SPAG16: variants seen among roughly 807,000 people sequenced by gnomAD.
The protein encoded by SPAG16 is sperm associated antigen 16, also known as sperm-associated antigen 16 protein.
SPAG16 carries 86 observed loss-of-function variants against 80.4 expected under a neutral mutation model. That is an observed-to-expected ratio of 1.07 (90% CI 0.90 to 1.28). The LOEUF (loss-of-function observed/expected upper bound fraction) is 1.28, where lower values mean the gene tolerates loss of function less well. Ranked by LOEUF, SPAG16 falls within the 50% of genes most tolerant of loss-of-function variation. The probability of loss-of-function intolerance (pLI) is 0.00; values close to 1 mark genes in which losing one functional copy is unlikely to be tolerated. For missense variants in SPAG16, 870 were observed against 765.3 expected, an observed-to-expected ratio of 1.14 and a Z score of -1.61; for synonymous variants, 294 against 265.9, an observed-to-expected ratio of 1.11 and a Z score of -1.03.
intron 15 of SPAG16, among the ~76,000 whole-genome samples, chr2:214,390,955 T>C (rs1701046406): frequency 6.6e-6 from 1 of 152,102 alleles, no homozygotes; most frequent in South Asian, 2.1e-4. Flanking sequence ...ATTGCTAAGG[T>C]TGTGAAGAGG....
At chr2:213,354,206 G>T (rs1179851986) in intron 7 of SPAG16, among the ~76,000 whole-genome samples, 1 of 152,114 alleles carries the variant, frequency 6.6e-6, no homozygotes, top group Non-Finnish European at 1.5e-5. Context: ...TCATGTCAAA[G>T]GACATGAACT....
intron 15 of SPAG16, among the ~76,000 whole-genome samples, chr2:214,162,755 A>T (rs1483463121): frequency 6.6e-6 from 1 of 152,126 alleles, no homozygotes; most frequent in Non-Finnish European, 1.5e-5. Context: ...AAATGAAGCC[A>T]CACTCTTTGT....
At chr2:213,878,642 GA>G (rs1417329433) in intron 11 of SPAG16, among the ~76,000 whole-genome samples, 1 of 152,134 alleles carries the variant, frequency 6.6e-6, no homozygotes, top group Non-Finnish European at 1.5e-5. Context: ...TTTCTGTGCA[GA>G]AGCTTTTCAG....
intron 13 of SPAG16, among the ~76,000 whole-genome samples, chr2:214,041,645 CATATA>C (rs1559725213): frequency 6.6e-6 from 1 of 151,354 alleles, no homozygotes; most frequent in Non-Finnish European, 1.5e-5. Flanking sequence ...TTCACTTCAC[CATATA>C]ATTTCCAAAG....
chr2:213,597,234 A>T (rs1489023887), intron 10 of SPAG16, among the ~76,000 whole-genome samples: 1 of 152,176 alleles, frequency 6.6e-6, no homozygotes, highest in Non-Finnish European at 1.5e-5. Flanking sequence ...AATTCAACAC[A>T]TATTTACTAC....
At chr2:214,054,488 G>A (rs539152420) in intron 13 of SPAG16, among the ~76,000 whole-genome samples, 4 of 152,250 alleles carry the variant, frequency 2.6e-5, no homozygotes, top group African/African-American at 9.6e-5. Context: ...GAATATGTGA[G>A]AATAAAATAC....
At chr2:214,055,592 G>A (rs772673020) in intron 13 of SPAG16, among the ~76,000 whole-genome samples, 41 of 152,178 alleles carry the variant, frequency 2.7e-4, no homozygotes, top group Non-Finnish European at 5.3e-4. Flanking sequence ...TACTAAATGT[G>A]TCTAAAATGT....
intron 12 of SPAG16, among the ~76,000 whole-genome samples, chr2:213,996,324 T>C (rs1044229764): frequency 9.2e-5 from 14 of 152,192 alleles, no homozygotes; most frequent in African/African-American, 3.4e-4. Context: ...TAGATCTGAT[T>C]TGTGCATTAT....
chr2:213,822,155 C>A (rs2072985804), intron 10 of SPAG16, among the ~76,000 whole-genome samples: 1 of 152,226 alleles, frequency 6.6e-6, no homozygotes, highest in Admixed American at 6.5e-5. Context: ...TACTACTTTA[C>A]ATTCCCACCA....
chr2:213,598,752 T>C (rs1297192733), intron 10 of SPAG16, among the ~76,000 whole-genome samples: 3 of 152,228 alleles, frequency 2.0e-5, no homozygotes, highest in East Asian at 1.9e-4. Flanking sequence ...ACAGGAATAA[T>C]ACATGGTGGT....
intron 10 of SPAG16, among the ~76,000 whole-genome samples, chr2:213,606,287 A>G (rs1269198109): frequency 2.0e-5 from 3 of 152,212 alleles, no homozygotes; most frequent in South Asian, 2.1e-4. Context: ...TGGTGGATGT[A>G]TGCTCAACAA....
At chr2:213,581,375 G>GTT (rs2124855333) in intron 10 of SPAG16, among the ~76,000 whole-genome samples, 1 of 152,060 alleles carries the variant, frequency 6.6e-6, no homozygotes, top group African/African-American at 2.4e-5. Flanking sequence ...TACCACCATA[G>GTT]TTAGCTAATT....
chr2:213,440,556 A>AAAC (rs368614647), intron 9 of SPAG16, among the ~76,000 whole-genome samples: 3,323 of 151,722 alleles, frequency 0.022, 63 homozygotes, highest in African/African-American at 0.053. Flanking sequence ...CTCCATCTCA[A>AAAC]AACAACAACA....
chr2:213,466,834 G>A (rs140473692), intron 9 of SPAG16, among the ~76,000 whole-genome samples: 2 of 152,196 alleles, frequency 1.3e-5, no homozygotes, highest in Non-Finnish European at 2.9e-5. Flanking sequence ...TACCAAACAG[G>A]TGGGGGCTGT....
At chr2:213,663,785 T>C (rs952217775) in intron 10 of SPAG16, among the ~76,000 whole-genome samples, 5 of 152,120 alleles carry the variant, frequency 3.3e-5, no homozygotes, top group Non-Finnish European at 5.9e-5. Flanking sequence ...TGATGAGCTA[T>C]TATTTAATAC....
intron 5 of SPAG16, among the ~76,000 whole-genome samples, chr2:213,339,774 A>G (rs1324580737): frequency 1.3e-5 from 2 of 150,314 alleles, no homozygotes; most frequent in African/African-American, 5.0e-5. Context: ...GTTCAGAGTT[A>G]AATTCCATAA....
intron 3 of SPAG16, among the ~76,000 whole-genome samples, chr2:213,308,839 A>G (rs13389980): frequency 0.22 from 33,054 of 152,102 alleles, 4,423 homozygotes; most frequent in Non-Finnish European, 0.31. Flanking sequence ...GCTTCATGCT[A>G]TGTGGCTCAG....
At chr2:213,531,162 T>C (rs367696715) in intron 10 of SPAG16, among the ~76,000 whole-genome samples, 2 of 152,284 alleles carry the variant, frequency 1.3e-5, no homozygotes, top group South Asian at 2.1e-4. Context: ...TTTACCTATA[T>C]ATGAAGTTTT....
intron 13 of SPAG16, among the ~76,000 whole-genome samples, chr2:214,063,024 C>A (rs966874648): frequency 2.0e-5 from 3 of 152,094 alleles, no homozygotes; most frequent in African/African-American, 4.8e-5. Context: ...TCAAAAACAT[C>A]ATTTCAACAA....
Sources: allele counts gnomAD v4.1 joint callset (sites outside exome capture counted in the v4.1 genomes callset), GRCh38; gene constraint gnomAD v4.1.1; transcripts MANE v1.5; gene names NCBI Gene and HGNC (gene_info 2026-07-23, HGNC 2026-07-21).